The following SETBP1 variants were observed in gnomAD, a reference collection of about 807,000 sequenced individuals.
SETBP1 encodes SET binding protein 1.
SETBP1 carries 9 observed loss-of-function variants against 101.0 expected under a neutral mutation model. The ratio of observed to expected loss-of-function variants is 0.09; its 90% CI spans 0.05 to 0.16. The LOEUF is 0.16. Among genes scored for constraint, SETBP1 ranks in the 10% least tolerant of loss-of-function variants. The probability of loss-of-function intolerance (pLI) is 1.00; values close to 1 mark genes in which losing one functional copy is unlikely to be tolerated. For missense variants in SETBP1, 1,858 were observed against 2,033.8 expected (o/e 0.91, Z 1.66); for synonymous variants, 818 against 788.5 (o/e 1.04, Z -0.63).
At chr18:44,789,184 G>T (rs928128464) in intron 2 of SETBP1, among the ~76,000 whole-genome samples, 3 of 152,090 alleles carry the variant, frequency 2.0e-5, no homozygotes, top group Non-Finnish European at 2.9e-5. Context: ...AGTGACAGTG[G>T]ATAAGAGGAG....
intron 4 of SETBP1, among the ~76,000 whole-genome samples, chr18:45,003,683 A>T: frequency 7.9e-6 from 1 of 126,884 alleles, no homozygotes; most frequent in East Asian, 2.6e-4. Flanking sequence ...TAGTAATGTC[A>T]TGGGAAAAAA....
chr18:44,984,721 G>A (rs560514305), intron 4 of SETBP1, among the ~76,000 whole-genome samples: 4 of 152,332 alleles, frequency 2.6e-5, no homozygotes, highest in South Asian at 2.1e-4. Flanking sequence ...CATGTAAGAG[G>A]CACTATGAGT....
intron 4 of SETBP1, among the ~76,000 whole-genome samples, chr18:44,975,420 C>T (rs1000757922): frequency 7.9e-5 from 12 of 152,146 alleles, no homozygotes; most frequent in South Asian, 6.2e-4. Context: ...GTTTTTCTCA[C>T]GTTAGCAATT....
At chr18:44,764,334 C>T (rs939292878) in intron 2 of SETBP1, among the ~76,000 whole-genome samples, 2 of 152,224 alleles carry the variant, frequency 1.3e-5, no homozygotes, top group African/African-American at 4.8e-5. Flanking sequence ...TGTATCCATT[C>T]GTTATCCATG....
intron 2 of SETBP1, among the ~76,000 whole-genome samples, chr18:44,844,343 A>G (rs1034308080): frequency 2.3e-5 from 1 of 44,030 alleles, no homozygotes; most frequent in Non-Finnish European, 4.7e-5. Flanking sequence ...ACACACGTGC[A>G]CACACGCGCG....
At chr18:44,837,076 G>A (rs962582643) in intron 2 of SETBP1, among the ~76,000 whole-genome samples, 1 of 152,172 alleles carries the variant, frequency 6.6e-6, no homozygotes, top group African/African-American at 2.4e-5. Flanking sequence ...CTGCTCCATG[G>A]GCTAAGGACT....
intron 2 of SETBP1, among the ~76,000 whole-genome samples, chr18:44,816,618 G>A (rs1471731617): frequency 2.6e-5 from 4 of 152,128 alleles, no homozygotes; most frequent in South Asian, 2.1e-4. Flanking sequence ...AAGAAGGGGC[G>A]TAGCCTTTCC....
rs1454146793 is a variant in SETBP1, at chr18:44,705,141, C to G, written c.486+3309C>G. Reference sequence around the variant, plus strand: ...CCTCCTGCCTGTTTTTGTATTGCCCCTGAGCAAATAATGTTTTTTACATTT... The same window carrying G: ...CCTCCTGCCTGTTTTTGTATTGCCCGTGAGCAAATAATGTTTTTTACATTT... On this transcript the variant is annotated intron_variant, in intron 2 of 5. Transcript: ENST00000649279. Among the ~76,000 whole-genome samples the G allele has an allele frequency of 2.0e-5, 3 of 152,134 alleles. No individual in the cohort carries two copies. The South Asian group carries it at 6.2e-4, about 32-fold the overall frequency.
intron 2 of SETBP1, among the ~76,000 whole-genome samples, chr18:44,714,358 C>T (rs953595696): frequency 1.3e-5 from 2 of 151,970 alleles, no homozygotes; most frequent in African/African-American, 4.8e-5. Context: ...GCCACAACAC[C>T]GGGCTAATTT....
intron 1 of SETBP1, among the ~76,000 whole-genome samples, chr18:44,696,633 T>G (rs2069022257): frequency 6.6e-6 from 1 of 152,208 alleles, no homozygotes; most frequent in Admixed American, 6.5e-5. Flanking sequence ...ATTCTTTAGG[T>G]TCATGCTGTT....
At chr18:44,990,376 T>C (rs1347440086) in intron 4 of SETBP1, among the ~76,000 whole-genome samples, 1 of 152,002 alleles carries the variant, frequency 6.6e-6, no homozygotes, top group South Asian at 2.1e-4. Flanking sequence ...GGAGAATCAG[T>C]TGAGGCCAGG....
intron 3 of SETBP1, among the ~76,000 whole-genome samples, chr18:44,883,195 G>A (rs983550855): frequency 2.6e-5 from 4 of 152,270 alleles, no homozygotes; most frequent in South Asian, 4.1e-4. Flanking sequence ...GAACTCAGAG[G>A]ACATCTCTGA....
In SETBP1 at chr18:44,889,272, A is replaced by G. The variant is rs1462526552; in HGVS notation, c.540+19989A>G. Among the ~76,000 whole-genome samples, 7 of 152,162 alleles carry G rather than the reference A, an allele frequency of 4.6e-5. 1 individual carries two copies. The highest frequency in any genetic ancestry group is 4.6e-4 in the Admixed American group (7 of 15,272). ...TTTTTCTTGCCAAACCAGGAGAAGA[A>G]TCAAAAGAGGAAGTTAGTTATCTTT... On this transcript the variant is annotated intron_variant, in intron 3 of 5. Transcript: ENST00000649279.
chr18:44,778,071 T>A (rs1163901234), intron 2 of SETBP1, among the ~76,000 whole-genome samples: 2 of 152,142 alleles, frequency 1.3e-5, no homozygotes, highest in African/African-American at 4.8e-5. Context: ...CTCTAAAGCG[T>A]CTTTATCTGC....
At chr18:44,999,314 A>C (rs1217296518) in intron 4 of SETBP1, among the ~76,000 whole-genome samples, 1 of 152,182 alleles carries the variant, frequency 6.6e-6, no homozygotes, top group Non-Finnish European at 1.5e-5. Flanking sequence ...GTTTCCAGGA[A>C]GTTATGATTT....
At chr18:44,946,273 G>A (rs2071205584) in intron 3 of SETBP1, among the ~76,000 whole-genome samples, 1 of 152,202 alleles carries the variant, frequency 6.6e-6, no homozygotes, top group Non-Finnish European at 1.5e-5. Context: ...CAGCTGAAAT[G>A]GTAGGAACAA....
intron 4 of SETBP1, among the ~76,000 whole-genome samples, chr18:45,029,528 G>C (rs1421728309): frequency 6.6e-6 from 1 of 152,194 alleles, no homozygotes; most frequent in Non-Finnish European, 1.5e-5. Context: ...CTTTAAAGTA[G>C]TTTTTTCCAA....
chr18:44,812,336 A>G (rs1364753200), intron 2 of SETBP1, among the ~76,000 whole-genome samples: 1 of 152,074 alleles, frequency 6.6e-6, no homozygotes, highest in Admixed American at 6.5e-5. Flanking sequence ...TTTTTTCTTG[A>G]TACACAGTTT....
chr18:45,058,070 AAT>A (rs1254969786), intron 5 of SETBP1, among the ~76,000 whole-genome samples: 1 of 152,250 alleles, frequency 6.6e-6, no homozygotes, highest in African/African-American at 2.4e-5. Context: ...GGCAATTTCA[AAT>A]ATAGATAGGG....
Sources: gnomAD v4.1 joint callset for allele counts (sites outside exome capture counted in the v4.1 genomes callset) on GRCh38, gnomAD v4.1.1 for gene constraint, MANE v1.5 for transcripts, NCBI Gene and HGNC (gene_info 2026-07-23, HGNC 2026-07-21) for gene names.